The following RBM19 variants were observed in gnomAD, a reference collection of about 807,000 sequenced individuals.
The protein encoded by RBM19 is RNA binding motif protein 19.
RBM19 carries 94 observed loss-of-function variants against 116.8 expected under a neutral mutation model. That is an observed-to-expected ratio of 0.80 (90% CI 0.68 to 0.95). The LOEUF (loss-of-function observed/expected upper bound fraction) is 0.95, where lower values mean the gene tolerates loss of function less well. Among genes scored for constraint, RBM19 ranks in the 40% least tolerant of loss-of-function variants. The pLI, the probability that RBM19 is intolerant of heterozygous loss-of-function variation, is 0.00. For missense variants in RBM19, 1,161 were observed against 1,220.7 expected, an observed-to-expected ratio of 0.95 and a Z score of 0.73; for synonymous variants, 475 against 494.1, an observed-to-expected ratio of 0.96 and a Z score of 0.51.
chr12:113,938,826 C>A (rs1870298444), intron 15 of RBM19, among the ~76,000 whole-genome samples: 1 of 152,160 alleles, frequency 6.6e-6, no homozygotes, highest in South Asian at 2.1e-4. Flanking sequence ...CCACCAGAAG[C>A]TGGAAGAGAC....
chr12:113,920,404 A>G (rs997245891), intron 19 of RBM19, among the ~76,000 whole-genome samples: 1 of 152,262 alleles, frequency 6.6e-6, no homozygotes, highest in African/African-American at 2.4e-5. Flanking sequence ...GCTGTGGATC[A>G]AATGAATGAA....
rs1566020117 is a variant in RBM19, at chr12:113,924,767, AAAGTAAC to A, written c.2245-17_2245-11del. ...CCACTTTTGAAAACACCTGGATAAG[AAAGTAAC>A]AAGTATCATCAGCAGCTCTAAACCA... On this transcript the variant is annotated splice_polypyrimidine_tract_variant and intron_variant, in intron 17 of 23. Coordinates refer to ENST00000261741, the MANE Select transcript of RBM19 (RefSeq NM_016196.4). 18 of 1,536,076 alleles carry A rather than the reference AAAGTAAC, an allele frequency of 1.2e-5. No individual in the cohort carries two copies. Among genetic ancestry groups the A allele is most frequent in the Non-Finnish European group, 1.6e-5 (18 of 1,109,176 alleles).
chr12:113,881,502 G>A (rs1880126366), intron 21 of RBM19, among the ~76,000 whole-genome samples: 1 of 145,934 alleles, frequency 6.9e-6, no homozygotes, highest in East Asian at 2.1e-4. Context: ...AAAATGGCAG[G>A]GACATCTACA....
At chr12:113,958,591 G>C (rs1290489900) in intron 5 of RBM19, among the ~76,000 whole-genome samples, 1 of 150,466 alleles carries the variant, frequency 6.6e-6, no homozygotes, top group Non-Finnish European at 1.5e-5. Context: ...TAAGTCCCCT[G>C]AGTTCCTCGG....
chr12:113,883,867 C>T (rs1233709216), intron 21 of RBM19, among the ~76,000 whole-genome samples: 1 of 152,128 alleles, frequency 6.6e-6, no homozygotes, highest in East Asian at 1.9e-4. Flanking sequence ...AGAGAATGAA[C>T]CCTGTAATAT....
chr12:113,820,466 C>T (rs1031408379), downstream of RBM19, among the ~76,000 whole-genome samples: 8 of 152,034 alleles, frequency 5.3e-5, no homozygotes, highest in Non-Finnish European at 1.2e-4. Flanking sequence ...GCCGGGACAG[C>T]GAGTGCAGGG....
At chr12:113,944,669 T>A (rs1411028575) in intron 13 of RBM19, among the ~76,000 whole-genome samples, 1 of 149,476 alleles carries the variant, frequency 6.7e-6, no homozygotes, top group Non-Finnish European at 1.5e-5. Flanking sequence ...ATGGCATGCA[T>A]CTGTAGTCCT....
At chr12:113,894,698 C>T (rs999932740) in intron 21 of RBM19, among the ~76,000 whole-genome samples, 1 of 152,204 alleles carries the variant, frequency 6.6e-6, no homozygotes, top group Non-Finnish European at 1.5e-5. Flanking sequence ...GCTTACAGAG[C>T]TGCATTTTCC....
chr12:113,962,883 T>A (rs984924431), intron 1 of RBM19, among the ~76,000 whole-genome samples: 2 of 152,192 alleles, frequency 1.3e-5, no homozygotes, highest in Non-Finnish European at 2.9e-5. Context: ...AAGGGACTTG[T>A]CAGGTGTGAC....
intron 21 of RBM19, among the ~76,000 whole-genome samples, chr12:113,895,970 C>G (rs970485042): frequency 6.6e-6 from 1 of 151,828 alleles, no homozygotes; most frequent in African/African-American, 2.4e-5. Context: ...ATGTATCTCT[C>G]TATACACATA....
At chr12:113,823,446 C>A (rs1874596775) in intron 23 of RBM19, 125 bp from the exon 24 acceptor site, 1 of 754,252 alleles carries the variant, frequency 1.3e-6, no homozygotes, top group East Asian at 2.7e-5. Context: ...TGCGGGGAGA[C>A]AGAACAGAAG....
chr12:113,955,568 A>G (rs986168539), intron 6 of RBM19, among the ~76,000 whole-genome samples: 2 of 152,198 alleles, frequency 1.3e-5, no homozygotes, highest in Non-Finnish European at 2.9e-5. Flanking sequence ...ACACTAAGCC[A>G]AGCACTTTAC....
chr12:113,920,531 C>T lies in RBM19; in HGVS notation c.2385+80G>A. On this transcript the variant is annotated intron_variant, in intron 19 of 23. Coordinates refer to ENST00000261741, the MANE Select transcript of RBM19 (RefSeq NM_016196.4). ...AGTGTAGACTTCATACATATTCTCA[C>T]TCAATTTCAGAGGGCTGACGGGACC... 4 of 1,283,582 alleles carry T rather than the reference C, an allele frequency of 3.1e-6. No individual in the cohort carries two copies. In the South Asian group the frequency reaches 4.8e-5, roughly 15 times the overall value. The allele number at this position is 1,283,582 out of a possible 1,614,324, so 79.5% of individuals were successfully genotyped here.
At chr12:113,965,737 T>C (rs79001482) in intron 1 of RBM19, among the ~76,000 whole-genome samples, 6,476 of 152,282 alleles carry the variant, frequency 0.043, 341 homozygotes, top group Admixed American at 0.15. Context: ...CCACTCCGTA[T>C]TCCTACTTGC....
intron 21 of RBM19, among the ~76,000 whole-genome samples, chr12:113,866,128 G>C (rs1320118111): frequency 6.6e-6 from 1 of 152,176 alleles, no homozygotes; most frequent in African/African-American, 2.4e-5. Context: ...TTTAGGAGTG[G>C]AGTTTCTTCC....
At chr12:113,819,318 CTT>C, downstream of RBM19, among the ~76,000 whole-genome samples, 1 of 152,352 alleles carries the variant, frequency 6.6e-6, no homozygotes, top group South Asian at 2.1e-4. Context: ...CCCTGTGTCC[CTT>C]TGGCCCCTCT....
chr12:113,856,064 G>A (rs1241517292), intron 22 of RBM19, among the ~76,000 whole-genome samples: 1 of 152,246 alleles, frequency 6.6e-6, no homozygotes, highest in East Asian at 1.9e-4. Context: ...CAGTGTGGGA[G>A]AGGGAAGTCA....
At chr12:113,884,645 C>T (rs1880402726) in intron 21 of RBM19, among the ~76,000 whole-genome samples, 1 of 152,176 alleles carries the variant, frequency 6.6e-6, no homozygotes, top group African/African-American at 2.4e-5. Flanking sequence ...AGTACCATCA[C>T]CCACTGCAGA....
At chr12:113,918,487 G>T (rs765579400) in intron 19 of RBM19, 40 bp from the exon 20 acceptor site, 9 of 1,604,906 alleles carry the variant, frequency 5.6e-6, no homozygotes, top group Non-Finnish European at 6.0e-6. Context: ...TCTGTCCCGA[G>T]AAATACTCAC....
Sources: allele counts gnomAD v4.1 joint callset (sites outside exome capture counted in the v4.1 genomes callset), GRCh38; gene constraint gnomAD v4.1.1; transcripts MANE v1.5; gene names NCBI Gene and HGNC (gene_info 2026-07-23, HGNC 2026-07-21).